Variants in PALS2 observed in about 807,000 individuals in gnomAD.
The protein encoded by PALS2 is protein associated with LIN7 2, MAGUK p55 family member, also known as protein PALS2.
A neutral mutation model predicts 61.6 loss-of-function variants in PALS2; 27 were observed. The observed-to-expected ratio is 0.44, with a 90% CI of 0.32 to 0.60. The LOEUF (loss-of-function observed/expected upper bound fraction) is 0.60. Among genes scored for constraint, PALS2 ranks in the 20% least tolerant of loss-of-function variants. The probability of loss-of-function intolerance (pLI) is 0.05; values close to 1 mark genes in which losing one functional copy is unlikely to be tolerated. For missense variants in PALS2, 554 were observed against 639.4 expected (o/e 0.87, Z 1.44); for synonymous variants, 236 against 218.6 (o/e 1.08, Z -0.70).
intron 5 of PALS2, among the ~76,000 whole-genome samples, chr7:24,662,043 A>G (rs998024053): frequency 2.6e-5 from 4 of 152,330 alleles, no homozygotes; most frequent in African/African-American, 9.6e-5. Context: ...CACTTTAGCA[A>G]TCTTAATGTT....
chr7:24,680,594 A>AT, intron 11 of PALS2, 74 bp downstream of exon 11: 1 of 1,465,274 alleles, frequency 6.8e-7, no homozygotes, highest in East Asian at 2.4e-5. Context: ...TATCTAATTT[A>AT]TTTTTATTTA....
chr7:24,601,067 A>G (rs1178223387), intron 1 of PALS2, among the ~76,000 whole-genome samples: 4 of 152,088 alleles, frequency 2.6e-5, no homozygotes, highest in Non-Finnish European at 4.4e-5. Context: ...CTGTTTTGGT[A>G]TCATGTCAGT....
At chr7:24,662,192 ATAAC>A (rs1432582818) in intron 5 of PALS2, among the ~76,000 whole-genome samples, 10 of 152,340 alleles carry the variant, frequency 6.6e-5, no homozygotes, top group South Asian at 4.1e-4. Flanking sequence ...CTAATTATAA[ATAAC>A]TAAGATTTTA....
At chr7:24,624,342 T>C (rs1453338348) in intron 2 of PALS2, among the ~76,000 whole-genome samples, 1 of 152,154 alleles carries the variant, frequency 6.6e-6, no homozygotes, top group Non-Finnish European at 1.5e-5. Context: ...TATTACCTAT[T>C]TTACAAACCT....
intron 11 of PALS2, among the ~76,000 whole-genome samples, chr7:24,681,389 A>G (rs1416000852): frequency 6.6e-6 from 1 of 152,200 alleles, no homozygotes; most frequent in Non-Finnish European, 1.5e-5. Flanking sequence ...AATCTTTGAT[A>G]TCATGTCATC....
chr7:24,623,840 G>C, intron 2 of PALS2, 56 bp downstream of exon 2: 1 of 1,236,478 alleles, frequency 8.1e-7, no homozygotes, highest in Non-Finnish European at 1.1e-6. Context: ...TTTTTATAGA[G>C]ATATTTTCAG....
intron 9 of PALS2, among the ~76,000 whole-genome samples, chr7:24,672,302 A>T (rs533766848): frequency 6.6e-6 from 1 of 151,856 alleles, no homozygotes; most frequent in Non-Finnish European, 1.5e-5. Context: ...ATCTCGGCTC[A>T]CTGCAGCCTC....
At chr7:24,677,171 C>G (rs1017079120) in intron 9 of PALS2, among the ~76,000 whole-genome samples, 16 of 151,720 alleles carry the variant, frequency 1.1e-4, no homozygotes, top group African/African-American at 3.9e-4. Context: ...ATTTGGCTCT[C>G]TGTCTGTTGT....
At chr7:24,652,173 C>T (rs190578677) in intron 5 of PALS2, among the ~76,000 whole-genome samples, 33 of 152,140 alleles carry the variant, frequency 2.2e-4, no homozygotes, top group Admixed American at 1.7e-3. Context: ...CTAGGATTTA[C>T]GTATTTTATT....
At chr7:24,602,158 AT>A in intron 1 of PALS2, among the ~76,000 whole-genome samples, 1 of 150,466 alleles carries the variant, frequency 6.6e-6, no homozygotes, top group South Asian at 2.1e-4. Flanking sequence ...TTTCCATTGA[AT>A]TTTTTCTTTC....
intron 3 of PALS2, among the ~76,000 whole-genome samples, chr7:24,648,456 C>G (rs1285980136): frequency 6.6e-6 from 1 of 151,584 alleles, no homozygotes; most frequent in East Asian, 2.0e-4. Flanking sequence ...CCACGCCCAG[C>G]TAATTTTTTG....
intron 2 of PALS2, among the ~76,000 whole-genome samples, chr7:24,639,137 C>G (rs749676103): frequency 6.6e-6 from 1 of 152,174 alleles, no homozygotes; most frequent in Non-Finnish European, 1.5e-5. Context: ...CTAAATTAGA[C>G]TGACTGAGAT....
intron 3 of PALS2, among the ~76,000 whole-genome samples, chr7:24,642,417 A>G (rs774178520): frequency 2.6e-5 from 4 of 152,216 alleles, no homozygotes; most frequent in Non-Finnish European, 5.9e-5. Context: ...GAGAAAAGAC[A>G]GGAAAGATTT....
At chr7:24,591,719 G>A (rs1783294763) in intron 1 of PALS2, among the ~76,000 whole-genome samples, 1 of 152,114 alleles carries the variant, frequency 6.6e-6, no homozygotes, top group Non-Finnish European at 1.5e-5. Flanking sequence ...CAAGCCTTTA[G>A]TCACAGTATG....
intron 3 of PALS2, among the ~76,000 whole-genome samples, chr7:24,644,013 A>G (rs1031395537): frequency 5.9e-5 from 9 of 151,920 alleles, no homozygotes; most frequent in African/African-American, 2.2e-4. Context: ...TTAACATTAT[A>G]CAAATTCTGT....
At chr7:24,582,706 CT>C (rs1345706801) in intron 1 of PALS2, among the ~76,000 whole-genome samples, 1 of 151,516 alleles carries the variant, frequency 6.6e-6, no homozygotes, top group Non-Finnish European at 1.5e-5. Flanking sequence ...AAATTATTTG[CT>C]TTTTTTATTC....
In PALS2 at chr7:24,618,913, C is replaced by T. The variant is rs373438846; in HGVS notation, c.-2-4753C>T. Among the ~76,000 whole-genome samples the T allele has an allele frequency of 5.3e-5, 8 of 152,206 alleles. No homozygotes were observed. Among genetic ancestry groups the T allele is most frequent in the African/African-American group, 1.9e-4 (8 of 41,454 alleles). On this transcript the variant is annotated intron_variant, in intron 1 of 11. Coordinates refer to ENST00000222644, the MANE Select transcript of PALS2 (RefSeq NM_001303037.2). The surrounding 1 kb of genome is among the most constrained non-coding windows in gnomAD (Gnocchi z 5.1). ...CTTTCTTGAAGCGGAGGAATGTGCA[C>T]CAGACACTTACCGTCAGCCATCTTA...
chr7:24,640,226 A>T (rs1301861152), intron 2 of PALS2, among the ~76,000 whole-genome samples: 1 of 151,686 alleles, frequency 6.6e-6, no homozygotes, highest in East Asian at 1.9e-4. Context: ...TCGGTATTTC[A>T]TATGACTTTT....
intron 10 of PALS2, among the ~76,000 whole-genome samples, chr7:24,679,850 T>A (rs1216871001): frequency 6.6e-6 from 1 of 152,200 alleles, no homozygotes; most frequent in Non-Finnish European, 1.5e-5. Flanking sequence ...TCTAGTCATT[T>A]CACTATGCCT....
Sources: gnomAD v4.1 joint callset for allele counts (sites outside exome capture counted in the v4.1 genomes callset) on GRCh38, gnomAD v4.1.1 for gene constraint, Gnocchi (gnomAD v3.1) non-coding constraint, MANE v1.5 for transcripts, NCBI Gene and HGNC (gene_info 2026-07-23, HGNC 2026-07-21) for gene names.